The following CSPG4 variants were observed in gnomAD, a reference collection of about 807,000 sequenced individuals.
CSPG4 encodes the protein chondroitin sulfate proteoglycan 4, also known as chondroitin sulfate proteoglycan 4 (melanoma-associated).
CSPG4 carries 74 observed loss-of-function variants against 139.3 expected under a neutral mutation model. The observed-to-expected ratio is 0.53, with a 90% confidence interval of 0.44 to 0.64. CSPG4 has a LOEUF of 0.64. CSPG4 is among the 30% of genes least tolerant of loss of function. CSPG4 has a pLI of 0.00. For missense variants in CSPG4, 2,565 were observed against 3,148.3 expected (o/e 0.81, Z 4.43); for synonymous variants, 1,234 against 1,394.2 (o/e 0.89, Z 2.56).
chr15:75,690,138 G>T lies in CSPG4; in HGVS notation c.927C>A (p.Asn309Lys), dbSNP rs746179838. The T allele has an allele frequency of 6.2e-7, 1 of 1,613,070 alleles. No homozygotes were observed. Among genetic ancestry groups the T allele is most frequent in the Non-Finnish European group, 8.5e-7 (1 of 1,179,946 alleles). ...SVDQYPTHTS[N>K]RGVLSYLEPR... is the part of the protein sequence containing the mutation. ...GCTCCAGGTAGCTGAGGACTCCTCGGTTCGAAGTATGCGTAGGGTACTGGT... is the reference window on the plus strand; with the variant it reads ...GCTCCAGGTAGCTGAGGACTCCTCGTTTCGAAGTATGCGTAGGGTACTGGT... Residue 309 changes from asparagine to lysine, a missense_variant, in exon 3 of 10, where the codon AAC becomes AAA. Transcript: ENST00000308508.
Position 75,675,473 on chromosome 15 carries a change from A to C in CSPG4, c.*77T>G. The C allele has an allele frequency of 7.3e-6, 10 of 1,374,846 alleles. No individual in the cohort carries two copies. Among genetic ancestry groups the C allele is most frequent in the Non-Finnish European group, 8.5e-6 (9 of 1,054,408 alleles). 85.2% of individuals were successfully genotyped at this position (1,374,846 alleles called of 1,614,324 possible). ...GCTCTGGGGATACTCAGACAGCACCAGGCATGGAAGCAATGGGGCCCGGGA... is the reference window on the plus strand; with the variant it reads ...GCTCTGGGGATACTCAGACAGCACCCGGCATGGAAGCAATGGGGCCCGGGA... On this transcript the variant is annotated 3_prime_UTR_variant, in exon 10 of 10. Coordinates refer to ENST00000308508, the MANE Select transcript of CSPG4 (RefSeq NM_001897.5).
chr15:75,706,230 C>T (rs1232163220), intron 1 of CSPG4, among the ~76,000 whole-genome samples: 1 of 152,226 alleles, frequency 6.6e-6, no homozygotes, highest in Non-Finnish European at 1.5e-5. Context: ...CTCTCCCCAG[C>T]CCCCTCTGTC....
chr15:75,676,201 GC>G lies in CSPG4; in HGVS notation c.6317del (p.Gly2106AlafsTer110), dbSNP rs1384956381. 7.1e-6 allele frequency: 11 copies of G among 1,551,050 alleles called. No homozygotes were observed. The highest frequency in any genetic ancestry group is 1.2e-5 in the South Asian group (1 of 85,796). On this transcript the variant is annotated frameshift_variant, in exon 10 of 10. Coordinates refer to ENST00000308508, the MANE Select transcript of CSPG4 (RefSeq NM_001897.5). LOFTEE classifies it high-confidence loss of function. ...GAGTGAACTGCTCCACCAGCTGGCT[GC>G]CCCCGGGCTCCGTCCTGGCTCGGGG... is the stretch of plus-strand genomic sequence containing the variant. ...RVPRARTEPG[G>X]SQLVEQFTQQ...
intron 1 of CSPG4, among the ~76,000 whole-genome samples, chr15:75,705,646 C>T (rs915058144): frequency 1.3e-5 from 2 of 152,192 alleles, no homozygotes; most frequent in African/African-American, 4.8e-5. Flanking sequence ...TCTCTAATGC[C>T]GTGTTTCACC....
Position 75,690,378 on chromosome 15 carries a change from T to C in CSPG4, c.687A>G (p.Thr229=), listed in dbSNP as rs1894147072. ...GTGCCTGCCGGCTCTGTGTGGTGAG[T>C]GTAAACTCTAGGGTTCCTTCGTCCT... ...GTQDEGTLEF[T]LTTQSRQAPL... The change falls in exon 3 of 10, where the codon ACA becomes ACG. Residue 229 remains threonine, a synonymous_variant. Transcript: ENST00000308508. 6.2e-7 allele frequency: 1 copy of C among 1,610,848 alleles called. No homozygotes were observed. Among genetic ancestry groups the C allele is most frequent in the Non-Finnish European group, 8.5e-7 (1 of 1,179,396 alleles).
At chr15:75,683,066 T>G in intron 5 of CSPG4, 25 bp from the exon 6 acceptor site, 1 of 1,601,024 alleles carries the variant, frequency 6.2e-7, no homozygotes, top group Admixed American at 1.7e-5. Context: ...CTGTGAAGGT[T>G]CTGCCTTGCC....
rs752795516 is a variant in CSPG4, at chr15:75,685,299, G to A, written c.4192C>T (p.Leu1398=). 2 of 1,587,786 alleles carry A rather than the reference G, an allele frequency of 1.3e-6. No individual in the cohort carries two copies. The highest frequency in any genetic ancestry group is 1.7e-6 in the Non-Finnish European group (2 of 1,164,760). ...AGGGCTCCATGCTGGGGTGGCTCCAGCACCTGCAGGCTGAGGCCCAGGAGA... is the reference window on the plus strand; with the variant it reads ...AGGGCTCCATGCTGGGGTGGCTCCAACACCTGCAGGCTGAGGCCCAGGAGA... ...PTLLGLSLQV[L]EPPQHGALQK... is the part of the protein sequence containing the mutation. Residue 1398 remains leucine, a synonymous_variant, in exon 4 of 10, where the codon CTG becomes TTG. Transcript: ENST00000308508.
rs373963240 is a variant in CSPG4, at chr15:75,676,680, G to A, written c.5839C>T (p.Arg1947Trp). ...GCTTGGGGCACCTCCAGGGGTGCCC[G>A]CAGCTGCACCTCGATGGCGGATGGT... ...ILPSAIEVQLRAPLEVPQALG... is the reference protein window; with the variant it reads ...ILPSAIEVQLWAPLEVPQALG... The change falls in exon 10 of 10, where the codon CGG becomes TGG. Residue 1947 changes from arginine to tryptophan, a missense_variant. This residue lies in a region of CSPG4 where 2,316 missense variants were observed against 2,818.2 expected (regional missense o/e 0.82). Transcript: ENST00000308508. The A allele has an allele frequency of 8.8e-6, 14 of 1,591,792 alleles. No individual in the cohort carries two copies. Among genetic ancestry groups the A allele is most frequent in the Middle Eastern group, 1.7e-4 (1 of 5,988 alleles).
rs368259295 is a variant in CSPG4 at position 75,676,812 on chromosome 15, G to A, written c.5707C>T (p.Arg1903Trp). 9 of 1,545,410 alleles carry A rather than the reference G, an allele frequency of 5.8e-6. No homozygotes were observed. Among genetic ancestry groups the A allele is most frequent in the African/African-American group, 1.4e-5 (1 of 73,288 alleles). Residue 1903 changes from arginine to tryptophan, a missense_variant, in exon 10 of 10, where the codon CGG (arginine) becomes TGG (tryptophan). Transcript: ENST00000308508. Reference protein sequence around the residue: ...RFTQADVDSGRLAFVANGSSV... With the variant: ...RFTQADVDSGWLAFVANGSSV... ...CTCCCGTTGGCCACGAAGGCCAGCC[G>A]CCCTGAATCCACATCGGCTTGCGTG...
At chr15:75,707,408 A>C (rs1894388046) in intron 1 of CSPG4, among the ~76,000 whole-genome samples, 1 of 152,202 alleles carries the variant, frequency 6.6e-6, no homozygotes, top group Non-Finnish European at 1.5e-5. Context: ...AAAATATCTC[A>C]CTATATATAA....
chr15:75,696,842 A>C lies in CSPG4; in HGVS notation c.89-3609T>G, dbSNP rs956155199. On this transcript the variant is annotated intron_variant, in intron 1 of 9. Transcript: ENST00000308508. The surrounding 1 kb of genome is among the most constrained non-coding windows in gnomAD (Gnocchi z 4.2). ...TTCCTTCCCTGCCAAGTCCCTTCTC[A>C]GGGGCTAGAGGAAACCTCGGTCAAG... Among the ~76,000 whole-genome samples, 3 of 152,084 alleles carry C rather than the reference A, an allele frequency of 2.0e-5. No individual in the cohort carries two copies. Among genetic ancestry groups the C allele is most frequent in the Admixed American group, 2.0e-4 (3 of 15,284 alleles).
chr15:75,693,080 CCA>C lies in CSPG4; in HGVS notation c.240_241del (p.Gly81ThrfsTer25). 1 of 1,502,192 alleles carries C rather than the reference CCA, an allele frequency of 6.7e-7. No individual in the cohort carries two copies. Among genetic ancestry groups the C allele is most frequent in the South Asian group, 1.2e-5 (1 of 83,540 alleles). 93.1% of individuals were successfully genotyped at this position (1,502,192 alleles called of 1,614,324 possible). A position where few individuals can be genotyped will look rare whatever the true frequency, so the allele number is the denominator to read the frequency against. ...GGGGACGTCACTCACCTGCAGGCGT[CCA>C]GAGTAGAGCTGCAGCAGGAGGTGGT... is the stretch of plus-strand genomic sequence containing the variant. On this transcript the variant is annotated frameshift_variant, in exon 2 of 10. Transcript: ENST00000308508. LOFTEE classifies it high-confidence loss of function.
At chr15:75,682,578 C>A (rs1354762989) in intron 7 of CSPG4, 29 bp downstream of exon 7, 3 of 1,607,858 alleles carry the variant, frequency 1.9e-6, no homozygotes, top group Non-Finnish European at 2.6e-6. Context: ...CTCCTGGCAC[C>A]CAGGAATGCC....
Position 75,698,630 on chromosome 15 carries a change from TG to T in CSPG4, c.89-5398del, listed in dbSNP as rs1323474276. ...GAAGGGGTGCGCTGGGTCCCTGGTC[TG>T]GCCCCACTGTGGGCCCTGGATACCG... On this transcript the variant is annotated intron_variant, in intron 1 of 9. Transcript: ENST00000308508. The surrounding 1 kb of genome is among the most constrained non-coding windows in gnomAD (Gnocchi z 4.3). 1.3e-5 allele frequency among the ~76,000 whole-genome samples: 2 copies of T among 152,058 alleles called. No homozygotes were observed. Among genetic ancestry groups the T allele is most frequent in the Non-Finnish European group, 2.9e-5 (2 of 67,986 alleles).
At chr15:75,707,171 G>T (rs1894385267) in intron 1 of CSPG4, among the ~76,000 whole-genome samples, 1 of 151,992 alleles carries the variant, frequency 6.6e-6, no homozygotes, top group African/African-American at 2.4e-5. Context: ...TGGCCAGGCT[G>T]GTCTCGAACT....
At chr15:75,711,640 G>C (rs1894448177) in intron 1 of CSPG4, among the ~76,000 whole-genome samples, 1 of 152,272 alleles carries the variant, frequency 6.6e-6, no homozygotes, top group African/African-American at 2.4e-5. Flanking sequence ...TTCTCCATCT[G>C]AAGGAGAGAA....
chr15:75,702,816 C>G (rs1233936765), intron 1 of CSPG4, among the ~76,000 whole-genome samples: 1 of 152,040 alleles, frequency 6.6e-6, no homozygotes, highest in Non-Finnish European at 1.5e-5. Flanking sequence ...CAGCCACAGA[C>G]AGAAGACGGA....
At chr15:75,683,970 GGCGGCTTCC>G (rs1321101039) in intron 5 of CSPG4, among the ~76,000 whole-genome samples, 7 of 152,124 alleles carry the variant, frequency 4.6e-5, no homozygotes, top group Admixed American at 4.6e-4. Flanking sequence ...CCCACTCTTT[GGCGGCTTCC>G]GCACCACCAG....
chr15:75,676,785 T>A lies in CSPG4; in HGVS notation c.5734A>T (p.Ser1912Cys). The A allele has an allele frequency of 6.5e-7, 1 of 1,544,854 alleles. No individual in the cohort carries two copies. Residue 1912 changes from serine (S) to cysteine (C), a missense_variant, in exon 10 of 10, where the codon AGC becomes TGC. By Grantham distance (112) the Ser-to-Cys change is moderately radical. Transcript: ENST00000308508. The stretch of plus-strand genomic sequence containing the variant: ...CTCAGCTGGAAGATGCCTGCCACGC[T>A]GCTCCCGTTGGCCACGAAGGCCAGC... The part of the protein sequence containing the change: ...GRLAFVANGS[S>C]VAGIFQLSMS...
Sources: gnomAD v4.1 joint callset for allele counts (sites outside exome capture counted in the v4.1 genomes callset) on GRCh38, gnomAD v4.1.1 for gene constraint, gnomAD v4.1.1 regional missense constraint, Gnocchi (gnomAD v3.1) non-coding constraint, MANE v1.5 for transcripts, NCBI Gene and HGNC (gene_info 2026-07-23, HGNC 2026-07-21) for gene names.